Variants in MYO6 observed in about 807,000 individuals in gnomAD.
MYO6 encodes unconventional myosin-VI.
A neutral mutation model predicts 178.7 loss-of-function variants in MYO6; 74 were observed. The observed-to-expected ratio is 0.41, with a 90% CI of 0.34 to 0.50. The LOEUF (loss-of-function observed/expected upper bound fraction) is 0.50. MYO6 is among the 20% of genes least tolerant of loss of function. The pLI, the probability that MYO6 is intolerant of heterozygous loss-of-function variation, is 0.09. For synonymous variants in MYO6, 477 were observed against 504.6 expected (o/e 0.95, Z 0.73); for missense variants, 1,330 against 1,547.4 (o/e 0.86, Z 2.36).
At chr6:75,893,730 T>A (rs1779084136) in intron 28 of MYO6, among the ~76,000 whole-genome samples, 2 of 152,184 alleles carry the variant, frequency 1.3e-5, no homozygotes, top group Non-Finnish European at 1.5e-5. Context: ...TGGGACTGCT[T>A]GTATATGAAA....
chr6:75,779,388 A>T lies in MYO6; in HGVS notation c.-48+29965A>T, dbSNP rs1318180654. Among the ~76,000 whole-genome samples, 3 of 152,122 alleles carry T rather than the reference A, an allele frequency of 2.0e-5. No homozygotes were observed. The East Asian group carries it at 5.8e-4, about 29-fold the overall frequency. On this transcript the variant is annotated intron_variant, in intron 1 of 34. Transcript: ENST00000369977. The stretch of plus-strand genomic sequence containing the variant: ...GTGGTGGCAAGTGCCTGTGGTCCCA[A>T]CTACTTGGGCGGCTGAGGCAGGAGA...
intron 16 of MYO6, among the ~76,000 whole-genome samples, chr6:75,863,489 T>C (rs1044243118): frequency 4.6e-5 from 7 of 151,426 alleles, no homozygotes; most frequent in African/African-American, 1.5e-4. Flanking sequence ...TCTGTTTTCC[T>C]TTCTTTTTTT....
chr6:75,865,751 A>G lies in MYO6; in HGVS notation c.1675-775A>G, dbSNP rs188489275. Among the ~76,000 whole-genome samples the G allele has an allele frequency of 1.4e-4, 21 of 152,262 alleles. No individual in the cohort carries two copies. The East Asian group carries it at 4.0e-3, about 29-fold the overall frequency. ...ACATTTTAGAAACTTTATGATATAC[A>G]TGTGAGATATTATGATTAAATGGTA... On this transcript the variant is annotated intron_variant, in intron 16 of 34. Coordinates refer to ENST00000369977, the MANE Select transcript of MYO6 (RefSeq NM_004999.4).
At chr6:75,895,701 A>C (rs1328220585) in intron 29 of MYO6, among the ~76,000 whole-genome samples, 1 of 151,910 alleles carries the variant, frequency 6.6e-6, no homozygotes, top group Non-Finnish European at 1.5e-5. Flanking sequence ...TATTTTTAGT[A>C]GAGACGGGGT....
Position 75,763,657 on chromosome 6 carries a change from C to T in MYO6, c.-48+14234C>T, listed in dbSNP as rs72654756. On this transcript the variant is annotated intron_variant, in intron 1 of 34. Coordinates refer to ENST00000369977, the MANE Select transcript of MYO6 (RefSeq NM_004999.4). ...GCTTATCTACAGTAAGAATAATATT[C>T]TTTTAGGCAGTAGGTTGAGGTTCAA... Among the ~76,000 whole-genome samples, 1,912 of 152,120 alleles carry T rather than the reference C, an allele frequency of 0.013. 65 individuals are homozygous for T. The East Asian group carries it at 0.13, about 11-fold the overall frequency.
At chr6:75,814,297 T>G (rs1162077240) in intron 1 of MYO6, among the ~76,000 whole-genome samples, 1 of 152,150 alleles carries the variant, frequency 6.6e-6, no homozygotes, top group East Asian at 1.9e-4. Context: ...AGGGTGGTGC[T>G]GAGAGTTGAA....
chr6:75,913,039 T>C (rs1041889066), intron 33 of MYO6, among the ~76,000 whole-genome samples: 1 of 152,180 alleles, frequency 6.6e-6, no homozygotes, highest in Non-Finnish European at 1.5e-5. Context: ...ATGTGGCTCT[T>C]CTTGGCTTTA....
At chr6:75,851,219 G>A (rs1355494578) in intron 11 of MYO6, among the ~76,000 whole-genome samples, 1 of 152,174 alleles carries the variant, frequency 6.6e-6, no homozygotes, top group African/African-American at 2.4e-5. Context: ...TATTTGAAGA[G>A]TATGAAATGC....
intron 1 of MYO6, among the ~76,000 whole-genome samples, chr6:75,759,304 T>A (rs919155384): frequency 5.3e-5 from 8 of 152,160 alleles, no homozygotes; most frequent in Non-Finnish European, 1.0e-4. Context: ...GGAAGGAGAT[T>A]TTACCCCTGG....
At chr6:75,911,610 A>G in intron 32 of MYO6, 62 bp from the exon 33 acceptor site, 1 of 1,427,710 alleles carries the variant, frequency 7.0e-7, no homozygotes, top group Non-Finnish European at 9.9e-7. Context: ...AAATTAGAAA[A>G]ATGCTCATTT....
chr6:75,847,998 A>G (rs1774893168), intron 10 of MYO6, among the ~76,000 whole-genome samples: 1 of 152,132 alleles, frequency 6.6e-6, no homozygotes, highest in African/African-American at 2.4e-5. Context: ...TGATTCAAGT[A>G]TTGATATTCC....
intron 12 of MYO6, among the ~76,000 whole-genome samples, chr6:75,856,703 G>A (rs1250863676): frequency 6.6e-6 from 1 of 151,998 alleles, no homozygotes; most frequent in Admixed American, 6.6e-5. Context: ...ATTTTAAGAT[G>A]TAAACATTTT....
chr6:75,844,923 C>T lies in MYO6; in HGVS notation c.843C>T (p.Tyr281=). 6.2e-7 allele frequency: 1 copy of T among 1,613,156 alleles called. No individual in the cohort carries two copies. ...ATTTAAACCGAGGCTGCACTAGATA[C>T]TTTGCTAACAAAGAAACTGACAAAC... The part of the protein sequence containing the change: ...FRYLNRGCTR[Y]FANKETDKQI... The change falls in exon 10 of 35, where the codon TAC becomes TAT. Residue 281 remains tyrosine (Y), a synonymous_variant. Coordinates refer to ENST00000369977, the MANE Select transcript of MYO6 (RefSeq NM_004999.4).
rs58184532 is a variant in MYO6 at position 75,866,265 on chromosome 6, G to A, written c.1675-261G>A. Among the ~76,000 whole-genome samples, 1,346 of 127,274 alleles carry A rather than the reference G, an allele frequency of 0.011. 23 individuals carry two copies. The highest frequency in any genetic ancestry group is 0.036 in the African/African-American group (1,274 of 35,232). The allele number at this position is 127,274 out of a possible 152,430, so 83.5% of individuals were successfully genotyped here. A position where few individuals can be genotyped will look rare whatever the true frequency, so the allele number is the denominator to read the frequency against. Reference sequence around the variant, plus strand: ...TTTGGGTCTCTTTCTCTCCGTCTCTGTCTCTGTCTCTGTGTGTGTGTGTGT... The same window carrying A: ...TTTGGGTCTCTTTCTCTCCGTCTCTATCTCTGTCTCTGTGTGTGTGTGTGT... On this transcript the variant is annotated intron_variant, in intron 16 of 34. Coordinates refer to ENST00000369977, the MANE Select transcript of MYO6 (RefSeq NM_004999.4).
At chr6:75,854,444 A>G (rs1008720874) in intron 11 of MYO6, among the ~76,000 whole-genome samples, 5 of 152,044 alleles carry the variant, frequency 3.3e-5, no homozygotes, top group African/African-American at 1.2e-4. Context: ...CTGTTGGAGG[A>G]ACTGGACAGG....
intron 2 of MYO6, among the ~76,000 whole-genome samples, chr6:75,819,460 T>C (rs956702122): frequency 6.6e-6 from 1 of 152,220 alleles, no homozygotes; most frequent in East Asian, 1.9e-4. Flanking sequence ...ATGCACACCT[T>C]TGTGCAGTGT....
intron 29 of MYO6, among the ~76,000 whole-genome samples, chr6:75,895,840 G>A (rs1189883016): frequency 6.6e-6 from 1 of 152,022 alleles, no homozygotes. Context: ...TTTTTAAACT[G>A]CCCCTTACCT....
chr6:75,857,630 T>C (rs1334973739), intron 13 of MYO6, among the ~76,000 whole-genome samples: 1 of 152,198 alleles, frequency 6.6e-6, no homozygotes, highest in Non-Finnish European at 1.5e-5. Context: ...CTAAAACCAT[T>C]TACTAATTTG....
intron 1 of MYO6, among the ~76,000 whole-genome samples, chr6:75,809,653 G>A (rs940283534): frequency 7.2e-5 from 11 of 152,022 alleles, no homozygotes; most frequent in Admixed American, 1.3e-4. Flanking sequence ...GGGGGGTGGT[G>A]GAATGGGGAG....
Sources: gnomAD v4.1 joint callset for allele counts (sites outside exome capture counted in the v4.1 genomes callset) on GRCh38, gnomAD v4.1.1 for gene constraint, MANE v1.5 for transcripts, NCBI Gene and HGNC (gene_info 2026-07-23, HGNC 2026-07-21) for gene names.